FYB1: variants seen among roughly 807,000 people sequenced by gnomAD.
The protein encoded by FYB1 is FYN binding protein 1.
In FYB1, 41 loss-of-function variants were observed where a neutral mutation model predicts 94.1. The ratio of observed to expected loss-of-function variants is 0.44; its 90% CI spans 0.34 to 0.57. The LOEUF is 0.57. Among genes scored for constraint, FYB1 ranks in the 20% least tolerant of loss-of-function variants. The probability of loss-of-function intolerance (pLI) is 0.02; values close to 1 mark genes in which losing one functional copy is unlikely to be tolerated. For missense variants in FYB1, 1,050 were observed against 976.8 expected (o/e 1.07, Z -1.00); for synonymous variants, 367 against 353.2 (o/e 1.04, Z -0.44).
chr5:39,237,613 G>C (rs1483516004), intron 1 of FYB1, among the ~76,000 whole-genome samples: 1 of 151,968 alleles, frequency 6.6e-6, no homozygotes, highest in Non-Finnish European at 1.5e-5. Flanking sequence ...CTGGATATAA[G>C]GATTGAAAGT....
chr5:39,126,394 A>G (rs916356963), intron 11 of FYB1, among the ~76,000 whole-genome samples: 2 of 152,048 alleles, frequency 1.3e-5, no homozygotes, highest in South Asian at 2.1e-4. Flanking sequence ...AAGCAAGTCC[A>G]TAAGGATTAA....
At chr5:39,241,431 T>C (rs887134924) in intron 1 of FYB1, among the ~76,000 whole-genome samples, 2 of 152,170 alleles carry the variant, frequency 1.3e-5, no homozygotes, top group African/African-American at 2.4e-5. Context: ...TACGCCCTGA[T>C]TCTGAGACTG....
At chr5:39,118,835 C>A in intron 16 of FYB1, 39 bp downstream of exon 16, 1 of 1,262,644 alleles carries the variant, frequency 7.9e-7, no homozygotes, top group Admixed American at 2.8e-5. Flanking sequence ...TCTGGAGTGA[C>A]ATATATATGC....
intron 1 of FYB1, among the ~76,000 whole-genome samples, chr5:39,249,432 C>T (rs1195844442): frequency 6.6e-6 from 1 of 152,164 alleles, no homozygotes; most frequent in Non-Finnish European, 1.5e-5. Context: ...ATAACACATT[C>T]TTTGTAAAAA....
intron 8 of FYB1, 146 bp from the exon 9 acceptor site, chr5:39,134,495 A>G (rs1429368666): frequency 2.8e-6 from 2 of 711,250 alleles, no homozygotes; most frequent in Admixed American, 2.9e-5. Context: ...TCCCAAGTAG[A>G]CCCAAATTTT....
Position 39,138,550 on chromosome 5 carries a change from A to G in FYB1, c.1394+107T>C, listed in dbSNP as rs1405402282. ...AAGTTATTATACGCCAGTCATTTGAACAAATCAAGCTTCCCTCCTAGTGTT... is the reference window on the plus strand; with the variant it reads ...AAGTTATTATACGCCAGTCATTTGAGCAAATCAAGCTTCCCTCCTAGTGTT... On this transcript the variant is annotated intron_variant, in intron 6 of 18. Transcript: ENST00000512982. 3 of 602,968 alleles carry G rather than the reference A, an allele frequency of 5.0e-6. No homozygotes were observed. In the African/African-American group the frequency reaches 5.8e-5, roughly 12 times the overall value. The allele number at this position is 602,968 out of a possible 1,614,324, so 37.4% of individuals were successfully genotyped here.
chr5:39,182,269 T>G (rs1029656042), intron 2 of FYB1, among the ~76,000 whole-genome samples: 39 of 135,404 alleles, frequency 2.9e-4, no homozygotes, highest in African/African-American at 7.7e-4. Flanking sequence ...CAAATGCTTT[T>G]TGTGTGTGTG....
intron 2 of FYB1, among the ~76,000 whole-genome samples, chr5:39,191,282 C>T (rs1244403360): frequency 3.3e-5 from 5 of 152,128 alleles, no homozygotes; most frequent in African/African-American, 1.2e-4. Flanking sequence ...GAAGCGTGTC[C>T]CTCTTTACCT....
intron 1 of FYB1, among the ~76,000 whole-genome samples, chr5:39,241,724 T>A (rs940037016): frequency 2.0e-5 from 3 of 152,124 alleles, no homozygotes; most frequent in African/African-American, 4.8e-5. Flanking sequence ...CTACATATGA[T>A]ACAGACCACT....
At chr5:39,170,544 AT>A (rs1311267017) in intron 2 of FYB1, among the ~76,000 whole-genome samples, 1 of 152,064 alleles carries the variant, frequency 6.6e-6, no homozygotes, top group Non-Finnish European at 1.5e-5. Context: ...AGATTCATCC[AT>A]TTCTTTCTCC....
At chr5:39,212,513 C>A (rs1410516788) in intron 1 of FYB1, among the ~76,000 whole-genome samples, 2 of 152,140 alleles carry the variant, frequency 1.3e-5, no homozygotes, top group African/African-American at 2.4e-5. Flanking sequence ...TCAACCCTCC[C>A]CCTTGTTCCC....
intron 14 of FYB1, among the ~76,000 whole-genome samples, chr5:39,120,751 A>G (rs150781283): frequency 1.3e-5 from 2 of 152,194 alleles, no homozygotes; most frequent in African/African-American, 4.8e-5. Context: ...TTTGTAACCA[A>G]TTTATTTTAA....
Position 39,224,916 on chromosome 5 carries a change from C to T in FYB1, c.-27-21929G>A, listed in dbSNP as rs192617962. Among the ~76,000 whole-genome samples, 416 of 152,284 alleles carry T rather than the reference C, an allele frequency of 2.7e-3. 2 individuals carry two copies. Among genetic ancestry groups the T allele is most frequent in the Middle Eastern group, 0.01 (3 of 294 alleles). ...CATCAGAGATTTTTCCACCTCCAAG[C>T]TTCTAAAATTCTAGAAATGCATTTA... On this transcript the variant is annotated intron_variant, in intron 1 of 1. Coordinates refer to the FYB1 transcript ENST00000510188.
chr5:39,153,289 T>TGGCCAGCTC (rs1244793651), intron 3 of FYB1, among the ~76,000 whole-genome samples, 159 bp downstream of exon 3: 2 of 152,332 alleles, frequency 1.3e-5, no homozygotes, highest in East Asian at 3.9e-4. Flanking sequence ...ACTGCCAGCT[T>TGGCCAGCTC]GGCCAGCTCG....
At chr5:39,229,157 G>C (rs1202999054) in intron 1 of FYB1, among the ~76,000 whole-genome samples, 1 of 152,098 alleles carries the variant, frequency 6.6e-6, no homozygotes, top group African/African-American at 2.4e-5. Context: ...TCAGGACCCA[G>C]GGAATAGTGG....
chr5:39,208,516 G>A (rs975379761), intron 1 of FYB1, among the ~76,000 whole-genome samples: 3 of 151,944 alleles, frequency 2.0e-5, no homozygotes, highest in Non-Finnish European at 4.4e-5. Flanking sequence ...TTACTTATTC[G>A]GTCTCAACTG....
intron 1 of FYB1, among the ~76,000 whole-genome samples, chr5:39,264,474 C>T (rs1235311053): frequency 6.6e-6 from 1 of 152,186 alleles, no homozygotes; most frequent in African/African-American, 2.4e-5. Context: ...ACTAAGGCAG[C>T]CTTAAGACCC....
At chr5:39,118,035 G>C (rs1036510995) in intron 16 of FYB1, among the ~76,000 whole-genome samples, 2 of 151,974 alleles carry the variant, frequency 1.3e-5, no homozygotes, top group African/African-American at 4.8e-5. Context: ...AAGTAGCTGG[G>C]ACTACAAGGC....
chr5:39,257,806 T>TAA (rs71958401), intron 1 of FYB1, among the ~76,000 whole-genome samples: 1 of 139,028 alleles, frequency 7.2e-6, no homozygotes. Context: ...ATTTGGAGAC[T>TAA]AAAAAAAAAA....
Sources: allele counts gnomAD v4.1 joint callset (sites outside exome capture counted in the v4.1 genomes callset), GRCh38; gene constraint gnomAD v4.1.1; transcripts MANE v1.5; gene names NCBI Gene and HGNC (gene_info 2026-07-23, HGNC 2026-07-21).